Variants in MVB12A observed in about 807,000 individuals in gnomAD.
The protein encoded by MVB12A is multivesicular body subunit 12A.
Under a neutral mutation model 34.3 loss-of-function variants are expected in MVB12A, and 30 were observed. That is an observed-to-expected ratio of 0.88 (90% confidence interval 0.65 to 1.19). The LOEUF is 1.19. MVB12A is among the 50% of genes most tolerant of loss of function. The pLI is 0.00. For missense variants in MVB12A, 355 were observed against 369.2 expected, an observed-to-expected ratio of 0.96 and a Z score of 0.31; for synonymous variants, 158 against 158.9, an observed-to-expected ratio of 0.99 and a Z score of 0.04.
In MVB12A at chr19:17,420,198, T is replaced by C; in HGVS notation, c.63T>C (p.Ser21=). The C allele has an allele frequency of 6.8e-7, 1 of 1,465,926 alleles. No individual in the cohort carries two copies. 90.8% of individuals were successfully genotyped at this position (1,465,926 alleles called of 1,614,324 possible). The change falls in exon 1 of 9, where the codon TCT becomes TCC. Residue 21 remains serine, a synonymous_variant. Transcript: ENST00000317040. ...CTGGCCTGGCCTGGTCGTCGGCCTC[T>C]GCACCCCCGCCGCGGGGGTTCAGCG... ...PLAGLAWSSA[S]APPPRGFSAI... is the part of the protein sequence containing the mutation.
chr19:17,425,246 G>A lies in MVB12A; in HGVS notation c.*253G>A. ...GGGCTGGAGCTGGACAGAAGCCAGT[G>A]CCTTTAAGTCATTTGTGTCAAAACC... On this transcript the variant is annotated 3_prime_UTR_variant, in exon 9 of 9. Coordinates refer to ENST00000317040, the MANE Select transcript of MVB12A (RefSeq NM_138401.4). The A allele has an allele frequency of 2.0e-6, 1 of 496,202 alleles. No homozygotes were observed. The highest frequency in any genetic ancestry group is 3.5e-6 in the Non-Finnish European group (1 of 281,924). The allele number at this position is 496,202 out of a possible 1,614,324, so 30.7% of individuals were successfully genotyped here. A position where few individuals can be genotyped will look rare whatever the true frequency, so the allele number is the denominator to read the frequency against.
At chr19:17,408,907 C>T (rs1173773879) in intron 2 of MVB12A, among the ~76,000 whole-genome samples, 10 of 140,718 alleles carry the variant, frequency 7.1e-5, no homozygotes, top group African/African-American at 2.6e-4. Flanking sequence ...TCGATCACTA[C>T]AACCTCTGCC....
intron 2 of MVB12A, among the ~76,000 whole-genome samples, chr19:17,408,458 T>A (rs888163127): frequency 7.1e-5 from 10 of 140,778 alleles, no homozygotes; most frequent in South Asian, 2.3e-4. Flanking sequence ...TTAATTAATT[T>A]TTTTTGAGAT....
intron 2 of MVB12A, among the ~76,000 whole-genome samples, chr19:17,407,483 C>T (rs7257715): frequency 0.94 from 142,554 of 151,936 alleles, 67,222 homozygotes; most frequent in Middle Eastern, 0.99. Flanking sequence ...GGTAAGGTCA[C>T]GTGGGTCACG....
intron 2 of MVB12A, among the ~76,000 whole-genome samples, chr19:17,410,529 T>TATATACAC: frequency 2.7e-5 from 2 of 74,480 alleles, no homozygotes; most frequent in Non-Finnish European, 4.9e-5. Context: ...TATATATATA[T>TATATACAC]ACACACACAC....
chr19:17,420,015 G>GCT (rs78317484), upstream of MVB12A: 183 of 225,224 alleles, frequency 8.1e-4, 5 homozygotes, highest in African/African-American at 7.4e-3. Context: ...GGCAATCTCC[G>GCT]CCCCCCCCCC....
Position 17,424,975 on chromosome 19 carries a change from G to GC in MVB12A, c.810dup (p.Ser271GlnfsTer91). 1 of 1,608,870 alleles carries GC rather than the reference G, an allele frequency of 6.2e-7. No homozygotes were observed. ...TGGAGAAGACCGCGGCTGCCCGCCT[G>GC]CCCCCCAGCGTCTCATAGTCCCTCA... is the stretch of plus-strand genomic sequence containing the variant. On this transcript the variant is annotated frameshift_variant, in exon 9 of 9. Transcript: ENST00000317040. LOFTEE classifies it high-confidence loss of function.
chr19:17,424,723 G>T lies in MVB12A; in HGVS notation c.759+46G>T, dbSNP rs113886061. ...GAGGTGGGTGCAGGGCTAGGGAGGA[G>T]GTGCCTGAGGGGCCGGCACCCGCCC... On this transcript the variant is annotated intron_variant, in intron 8 of 8. Coordinates refer to ENST00000317040, the MANE Select transcript of MVB12A (RefSeq NM_138401.4). The T allele has an allele frequency of 1.8e-3, 2,750 of 1,558,958 alleles. 36 individuals carry two copies. In the African/African-American group the frequency reaches 0.03, roughly 17 times the overall value.
At chr19:17,411,476 C>T (rs2074769152) in intron 2 of MVB12A, among the ~76,000 whole-genome samples, 1 of 152,064 alleles carries the variant, frequency 6.6e-6, no homozygotes, top group Non-Finnish European at 1.5e-5. Flanking sequence ...CCACCTCAGC[C>T]TCCCGAGTAG....
At chr19:17,406,048 T>G (rs1019795200) in intron 1 of MVB12A, 4 of 155,574 alleles carry the variant, frequency 2.6e-5, no homozygotes, top group African/African-American at 9.7e-5. Context: ...GGCCTGGGTC[T>G]GACCCCAGGG....
chr19:17,410,497 C>CAT (rs373127253), intron 2 of MVB12A, among the ~76,000 whole-genome samples: 847 of 77,532 alleles, frequency 0.011, 13 homozygotes, highest in East Asian at 0.057. Flanking sequence ...GTTTTAGCTT[C>CAT]ATATATATAT....
rs536253465 is a variant in MVB12A at position 17,420,070 on chromosome 19, G to A, written c.-66G>A. On this transcript the variant is annotated 5_prime_UTR_variant, in exon 1 of 9. Coordinates refer to ENST00000317040, the MANE Select transcript of MVB12A (RefSeq NM_138401.4). ...TTGTAGTTCGGTCGCGAGCGCTGCC[G>A]TCGGGAGGCGCTCCGAGGTTCGAGG... 54 of 1,081,734 alleles carry A rather than the reference G, an allele frequency of 5.0e-5. No individual in the cohort carries two copies. Among genetic ancestry groups the A allele is most frequent in the Non-Finnish European group, 6.0e-5 (51 of 850,726 alleles). The allele number at this position is 1,081,734 out of a possible 1,614,324, so 67.0% of individuals were successfully genotyped here.
At position 17,423,691 on chromosome 19, in the gene MVB12A, A is replaced by G; in HGVS notation, c.534-2A>G. ...GCTTAACCTGAGTCATCCCACCTCCAGTAAGGGCGGCCTCCTGGAGCGGAC... is the reference window on the plus strand; with the variant it reads ...GCTTAACCTGAGTCATCCCACCTCCGGTAAGGGCGGCCTCCTGGAGCGGAC... On this transcript the variant is annotated splice_acceptor_variant, in intron 5 of 8. Coordinates refer to ENST00000317040, the MANE Select transcript of MVB12A (RefSeq NM_138401.4). LOFTEE classifies it high-confidence loss of function. The G allele has an allele frequency of 6.2e-7, 1 of 1,613,812 alleles. No homozygotes were observed. Among genetic ancestry groups the G allele is most frequent in the Non-Finnish European group, 8.5e-7 (1 of 1,179,870 alleles).
intron 2 of MVB12A, among the ~76,000 whole-genome samples, chr19:17,409,243 G>T (rs961074220): frequency 6.6e-6 from 1 of 151,008 alleles, no homozygotes; most frequent in Admixed American, 6.6e-5. Context: ...TGATTCTTCT[G>T]CCTCAGCCTC....
At chr19:17,421,194 T>TTC (rs1198650775) in intron 3 of MVB12A, 1 of 396,996 alleles carries the variant, frequency 2.5e-6, no homozygotes, top group Non-Finnish European at 4.9e-6. Flanking sequence ...TTTTTTTTTT[T>TTC]TTTTCTTCAG....
intron 2 of MVB12A, among the ~76,000 whole-genome samples, chr19:17,411,659 C>G (rs1167941939): frequency 1.3e-5 from 2 of 151,732 alleles, no homozygotes; most frequent in East Asian, 3.9e-4. Flanking sequence ...TCACGCCCAG[C>G]TAAGTTTTGT....
chr19:17,411,805 A>G (rs1354360520), intron 2 of MVB12A, among the ~76,000 whole-genome samples: 1 of 152,088 alleles, frequency 6.6e-6, no homozygotes, highest in Non-Finnish European at 1.5e-5. Context: ...TAAGAAAAAA[A>G]AAATAGGAGC....
At position 17,407,862 on chromosome 19, in the gene MVB12A, A is replaced by G. The variant is rs188084412; in HGVS notation, c.-5+1566A>G. On this transcript the variant is annotated intron_variant, in intron 2 of 6. Coordinates refer to the MVB12A transcript ENST00000528604. Reference sequence around the variant, plus strand: ...TAAGTAGTGGGTGTTGTTCCTTGACACTTTTCGCTACCGCTAGACCACTGT... The same window carrying G: ...TAAGTAGTGGGTGTTGTTCCTTGACGCTTTTCGCTACCGCTAGACCACTGT... Among the ~76,000 whole-genome samples the G allele has an allele frequency of 6.9e-3, 1,047 of 152,276 alleles. 9 individuals carry two copies. The highest frequency in any genetic ancestry group is 0.024 in the African/African-American group (996 of 41,552).
upstream of MVB12A, chr19:17,419,398 G>A (rs578252777): frequency 1.3e-5 from 2 of 152,230 alleles, no homozygotes; most frequent in South Asian, 4.1e-4. Flanking sequence ...CTCAGTAGCT[G>A]GGACTACAGG....
Sources: gnomAD v4.1 joint callset for allele counts (sites outside exome capture counted in the v4.1 genomes callset) on GRCh38, gnomAD v4.1.1 for gene constraint, MANE v1.5 for transcripts, NCBI Gene and HGNC (gene_info 2026-07-23, HGNC 2026-07-21) for gene names.